The following ANGPTL6 variants were observed in gnomAD, a reference collection of about 807,000 sequenced individuals.
ANGPTL6 encodes angiopoietin-related protein 6.
In ANGPTL6, 45 loss-of-function variants were observed where a neutral mutation model predicts 47.4. That is an observed-to-expected ratio of 0.95 (90% CI 0.75 to 1.22). ANGPTL6 has a LOEUF of 1.22. ANGPTL6 is among the 50% of genes most tolerant of loss of function. The pLI, the probability that ANGPTL6 is intolerant of heterozygous loss-of-function variation, is 0.00. For missense variants in ANGPTL6, 698 were observed against 669.4 expected (o/e 1.04, Z -0.47); for synonymous variants, 290 against 295.9 (o/e 0.98, Z 0.20).
upstream of ANGPTL6, among the ~76,000 whole-genome samples, chr19:10,102,971 C>G (rs1361989128): frequency 3.3e-5 from 5 of 151,786 alleles, no homozygotes; most frequent in African/African-American, 1.2e-4. Flanking sequence ...CACGCACACA[C>G]CACACATAGA....
chr19:10,103,930 TA>T (rs940263285), upstream of ANGPTL6, among the ~76,000 whole-genome samples: 68 of 151,590 alleles, frequency 4.5e-4, no homozygotes, highest in East Asian at 5.4e-3. Flanking sequence ...CCGTCTCTAC[TA>T]AAAATACAAA....
chr19:10,092,966 C>A, intron 5 of ANGPTL6, 187 bp from the exon 6 acceptor site: 1 of 527,216 alleles, frequency 1.9e-6, no homozygotes, highest in South Asian at 3.6e-5. Context: ...AGAGTAATAG[C>A]CTTAATTCCT....
chr19:10,103,241 C>G (rs1252920060), upstream of ANGPTL6, among the ~76,000 whole-genome samples: 1 of 151,642 alleles, frequency 6.6e-6, no homozygotes, highest in African/African-American at 2.4e-5. Context: ...CATATGGGCA[C>G]ATAACAGAGT....
At position 10,093,114 on chromosome 19, in the gene ANGPTL6, C is replaced by T. The variant is rs1034265961; in HGVS notation, c.1222+235G>A. On this transcript the variant is annotated intron_variant, in intron 5 of 5. Transcript: ENST00000253109. ...AGAGTACTAGCTCTCACCCTCTGCC[C>T]TTTACTTGAACAGGAGTCTTGATTC... 13 of 570,090 alleles carry T rather than the reference C, an allele frequency of 2.3e-5. No homozygotes were observed. In the African/African-American group the frequency reaches 2.4e-4, roughly 11 times the overall value. 35.3% of individuals were successfully genotyped at this position (570,090 alleles called of 1,614,324 possible).
chr19:10,096,692 C>T (rs2088554478), intron 1 of ANGPTL6, 119 bp from the exon 2 acceptor site: 4 of 766,460 alleles, frequency 5.2e-6, no homozygotes, highest in Non-Finnish European at 7.7e-6. Context: ...TAATTTCAGT[C>T]CCCATCTCAT....
upstream of ANGPTL6, among the ~76,000 whole-genome samples, chr19:10,105,074 C>T (rs559850641): frequency 1.6e-4 from 24 of 152,342 alleles, no homozygotes; most frequent in South Asian, 6.2e-4. Context: ...GCCCCACCGA[C>T]GACCAGCCAC....
intron 1 of ANGPTL6, among the ~76,000 whole-genome samples, chr19:10,100,486 T>C (rs1204456890): frequency 6.6e-6 from 1 of 152,190 alleles, no homozygotes; most frequent in South Asian, 2.1e-4. Context: ...TCCTCCCACC[T>C]TGGACTCCCA....
chr19:10,096,932 A>T (rs1478322775), intron 1 of ANGPTL6, among the ~76,000 whole-genome samples: 2 of 1,630 alleles, frequency 1.2e-3, no homozygotes, highest in African/African-American at 2.8e-3. Context: ...CTGTCTCTAC[A>T]AAAAAAAAAA....
At chr19:10,093,930 T>C (rs779337905) in intron 3 of ANGPTL6, 50 bp from the exon 4 acceptor site, 1 of 1,574,356 alleles carries the variant, frequency 6.4e-7, no homozygotes, top group East Asian at 2.2e-5. Flanking sequence ...GACCAATCCC[T>C]TACTGGAGCA....
intron 5 of ANGPTL6, 155 bp from the exon 6 acceptor site, chr19:10,092,934 C>G (rs1599280717): frequency 3.4e-6 from 2 of 583,504 alleles, no homozygotes; most frequent in Non-Finnish European, 5.6e-6. Flanking sequence ...AAAATAGGAG[C>G]CCTGGCCCCC....
In ANGPTL6 at chr19:10,096,146, C is replaced by A. The variant is rs536265958; in HGVS notation, c.418G>T (p.Gly140Trp). 256 of 1,364,722 alleles carry A rather than the reference C, an allele frequency of 1.9e-4. 4 individuals are homozygous for A. The East Asian group carries it at 3.7e-3, about 20-fold the overall frequency. The allele number at this position is 1,364,722 out of a possible 1,614,324, so 84.5% of individuals were successfully genotyped here. A position where few individuals can be genotyped will look rare whatever the true frequency, so the allele number is the denominator to read the frequency against. The stretch of plus-strand genomic sequence containing the variant: ...GCGGACGCGTTGAGCACGCGCTCCC[C>A]GAGCAGCGCCAGCGCCGCGGCAGGC... ...AEPAAALALL[G>W]ERVLNASAEA... Residue 140 changes from glycine to tryptophan, a missense_variant, in exon 2 of 6, where the codon GGG becomes TGG. By Grantham distance (184) the Gly-to-Trp change is radical. Transcript: ENST00000253109.
At chr19:10,105,141 C>T (rs2088786049), upstream of ANGPTL6, among the ~76,000 whole-genome samples, 2 of 152,228 alleles carry the variant, frequency 1.3e-5, no homozygotes, top group Non-Finnish European at 2.9e-5. Context: ...TCCCGAGTAA[C>T]TCGAGTGGAC....
At chr19:10,096,638 C>T in intron 1 of ANGPTL6, 65 bp from the exon 2 acceptor site, 1 of 1,259,288 alleles carries the variant, frequency 7.9e-7, no homozygotes, top group East Asian at 3.1e-5. Context: ...CCTCCGCTTC[C>T]ACGCGGGGAT....
rs375502655 is a variant in ANGPTL6, at chr19:10,098,787, G to A, written c.-10-2214C>T. On this transcript the variant is annotated intron_variant, in intron 1 of 5. Coordinates refer to ENST00000253109, the MANE Select transcript of ANGPTL6 (RefSeq NM_031917.3). ...TGCAGTGAGCCGAGATCGCACCACC[G>A]CACTCCAGCCTGGACAACAAAAGCA... Among the ~76,000 whole-genome samples the A allele has an allele frequency of 5.3e-5, 8 of 151,648 alleles. No individual in the cohort carries two copies. The East Asian group carries it at 7.7e-4, about 15-fold the overall frequency.
At position 10,096,433 on chromosome 19, in the gene ANGPTL6, C is replaced by A; in HGVS notation, c.131G>T (p.Trp44Leu). The change falls in exon 2 of 6, where the codon TGG (tryptophan) becomes TTG (leucine). Residue 44 changes from tryptophan to leucine, a missense_variant. Coordinates refer to ENST00000253109, the MANE Select transcript of ANGPTL6 (RefSeq NM_031917.3). ...CGCCCGCGTGGATGCGGGGCCGCTC[C>A]AGCACACAGCGCCCGTGAACTTCTG... Reference protein sequence around the residue: ...PPQKFTGAVCWSGPASTRATP... With the variant: ...PPQKFTGAVCLSGPASTRATP... 1 of 1,432,000 alleles carries A rather than the reference C, an allele frequency of 7.0e-7. No homozygotes were observed. Among genetic ancestry groups the A allele is most frequent in the Admixed American group, 3.0e-5 (1 of 33,408 alleles). 88.7% of individuals were successfully genotyped at this position (1,432,000 alleles called of 1,614,324 possible).
At position 10,096,078 on chromosome 19, in the gene ANGPTL6, G is replaced by T. The variant is rs1240742402; in HGVS notation, c.486C>A (p.Val162=). 1 of 1,492,874 alleles carries T rather than the reference G, an allele frequency of 6.7e-7. No homozygotes were observed. The highest frequency in any genetic ancestry group is 2.2e-5 in the Admixed American group (1 of 46,038). 92.5% of individuals were successfully genotyped at this position (1,492,874 alleles called of 1,614,324 possible). A position where few individuals can be genotyped will look rare whatever the true frequency, so the allele number is the denominator to read the frequency against. The change falls in exon 2 of 6, where the codon GTC becomes GTA. Residue 162 remains valine, a synonymous_variant. Coordinates refer to ENST00000253109, the MANE Select transcript of ANGPTL6 (RefSeq NM_031917.3). ...RAAARFHQLD[V]KFRELAQLVT... is the part of the protein sequence containing the mutation. ...CGAGCTGCGCCAGCTCGCGGAACTT[G>T]ACGTCCAGCTGGTGGAACCGGGCGG...
upstream of ANGPTL6, among the ~76,000 whole-genome samples, chr19:10,103,950 G>A (rs1280812506): frequency 6.6e-5 from 10 of 151,598 alleles, no homozygotes; most frequent in South Asian, 2.1e-4. Flanking sequence ...AAAATTTGCC[G>A]GGTGTGGTGG....
At chr19:10,097,817 C>T (rs2088585331) in intron 1 of ANGPTL6, among the ~76,000 whole-genome samples, 1 of 151,898 alleles carries the variant, frequency 6.6e-6, no homozygotes, top group South Asian at 2.1e-4. Context: ...TGTGCCACTG[C>T]AGCCCAGCCT....
chr19:10,099,637 C>G (rs1275519840), intron 1 of ANGPTL6, among the ~76,000 whole-genome samples: 1 of 151,746 alleles, frequency 6.6e-6, no homozygotes, highest in Non-Finnish European at 1.5e-5. Context: ...CTGCCCTCCT[C>G]CCAGGCCCTT....
Sources: allele counts gnomAD v4.1 joint callset (sites outside exome capture counted in the v4.1 genomes callset), GRCh38; gene constraint gnomAD v4.1.1; transcripts MANE v1.5; gene names NCBI Gene and HGNC (gene_info 2026-07-23, HGNC 2026-07-21).